Variants in LOC128125817 observed in about 807,000 individuals in gnomAD.
At chr1:41,627,945 T>A in the LOC128125817 span, among the ~76,000 whole-genome samples, 1 of 145,364 alleles carries the variant, frequency 6.9e-6, no homozygotes. Context: ...AATCCCCAGC[T>A]CTCTGGGTGA....
chr1:41,598,363 G>T, the LOC128125817 span, among the ~76,000 whole-genome samples: 1 of 152,122 alleles, frequency 6.6e-6, no homozygotes, highest in Non-Finnish European at 1.5e-5. Context: ...GGTAGTTAAG[G>T]TTCTTGTGTC....
At chr1:41,611,760 T>C in the LOC128125817 span, among the ~76,000 whole-genome samples, 1 of 152,224 alleles carries the variant, frequency 6.6e-6, no homozygotes, top group African/African-American at 2.4e-5. Context: ...AGGCAAGTCC[T>C]CTGTGAGATT....
chr1:41,628,173 A>T, the LOC128125817 span, among the ~76,000 whole-genome samples: 2 of 152,198 alleles, frequency 1.3e-5, no homozygotes, highest in South Asian at 4.1e-4. Context: ...CTGCTATTGA[A>T]ATTGCTGAAA....
At chr1:41,626,114 G>A in the LOC128125817 span, among the ~76,000 whole-genome samples, 1 of 152,228 alleles carries the variant, frequency 6.6e-6, no homozygotes, top group South Asian at 2.1e-4. Flanking sequence ...GTGACTCCAT[G>A]TTTCCCTGCC....
At chr1:41,587,715 G>A in the LOC128125817 span, among the ~76,000 whole-genome samples, 1 of 152,174 alleles carries the variant, frequency 6.6e-6, no homozygotes, top group East Asian at 1.9e-4. Flanking sequence ...AGAGACTGAA[G>A]GCTAGAAAGG....
the LOC128125817 span, among the ~76,000 whole-genome samples, chr1:41,615,643 G>A: frequency 6.6e-6 from 1 of 152,248 alleles, no homozygotes; most frequent in South Asian, 2.1e-4. Flanking sequence ...TGTGGGCAGA[G>A]AGGCACAGGG....
the LOC128125817 span, among the ~76,000 whole-genome samples, chr1:41,609,807 C>A: frequency 6.6e-6 from 1 of 152,268 alleles, no homozygotes; most frequent in African/African-American, 2.4e-5. Flanking sequence ...GTCCTTTAAA[C>A]CCACCAGTGA....
At chr1:41,604,673 C>T in the LOC128125817 span, among the ~76,000 whole-genome samples, 1 of 152,190 alleles carries the variant, frequency 6.6e-6, no homozygotes, top group African/African-American at 2.4e-5. Flanking sequence ...TCCCAGGCTC[C>T]AGAACTGTGA....
At chr1:41,604,813 A>T in the LOC128125817 span, among the ~76,000 whole-genome samples, 2 of 152,184 alleles carry the variant, frequency 1.3e-5, no homozygotes, top group South Asian at 4.1e-4. Flanking sequence ...GGTATTAGAA[A>T]ATAGGATAGC....
At chr1:41,624,370 C>G in the LOC128125817 span, among the ~76,000 whole-genome samples, 19 of 152,308 alleles carry the variant, frequency 1.2e-4, no homozygotes, top group East Asian at 3.3e-3. Context: ...AAAACGAGCA[C>G]GTACACACAT....
chr1:41,624,106 T>C, the LOC128125817 span, among the ~76,000 whole-genome samples: 2 of 152,182 alleles, frequency 1.3e-5, no homozygotes, highest in African/African-American at 2.4e-5. Context: ...CGAAGAGTAC[T>C]ATTTCCACTA....
chr1:41,615,813 G>GTTT, the LOC128125817 span, among the ~76,000 whole-genome samples: 2 of 94,320 alleles, frequency 2.1e-5, no homozygotes, highest in Admixed American at 1.3e-4. Context: ...TATTTGACAA[G>GTTT]TCTTTTTTTT....
At chr1:41,611,700 C>T in the LOC128125817 span, among the ~76,000 whole-genome samples, 1 of 152,250 alleles carries the variant, frequency 6.6e-6, no homozygotes, top group African/African-American at 2.4e-5. Context: ...GTTGTTCAGG[C>T]CTGGGGATCT....
the LOC128125817 span, among the ~76,000 whole-genome samples, chr1:41,589,179 GAAATGGGCCCAGGAGCTGGGCCAACAGA>G: frequency 1.3e-5 from 2 of 152,190 alleles, no homozygotes; most frequent in Admixed American, 6.5e-5. Flanking sequence ...AGTCACCAGA[GAAATGGGCCCAGGAGCTGGGCCAACAGA>G]GGCCTGAACC....
At chr1:41,604,228 T>C in the LOC128125817 span, among the ~76,000 whole-genome samples, 1 of 152,320 alleles carries the variant, frequency 6.6e-6, no homozygotes, top group Non-Finnish European at 1.5e-5. Context: ...AAGAAGAATT[T>C]TCATAGCAGA....
the LOC128125817 span, among the ~76,000 whole-genome samples, chr1:41,601,852 C>T: frequency 6.6e-6 from 1 of 152,136 alleles, no homozygotes; most frequent in Non-Finnish European, 1.5e-5. Context: ...CGTTTTTCAC[C>T]ACTGAGTATA....
At chr1:41,602,347 T>A in the LOC128125817 span, among the ~76,000 whole-genome samples, 23 of 152,276 alleles carry the variant, frequency 1.5e-4, no homozygotes, top group East Asian at 4.0e-3. Flanking sequence ...AATATTTTGG[T>A]AGAATTCACC....
At chr1:41,621,093 G>A in the LOC128125817 span, among the ~76,000 whole-genome samples, 8 of 152,140 alleles carry the variant, frequency 5.3e-5, no homozygotes, top group Admixed American at 2.0e-4. Flanking sequence ...ATTCATTCCC[G>A]CCTCACCTGT....
chr1:41,607,108 C>T, the LOC128125817 span, among the ~76,000 whole-genome samples: 1 of 152,116 alleles, frequency 6.6e-6, no homozygotes, highest in African/African-American at 2.4e-5. Flanking sequence ...TAGGTGTGAG[C>T]CACCAAGCCT....
Sources: allele counts gnomAD v4.1 joint callset (sites outside exome capture counted in the v4.1 genomes callset), GRCh38; gene constraint gnomAD v4.1.1; transcripts MANE v1.5.